CLYBL: variants seen among roughly 807,000 people sequenced by gnomAD.
CLYBL encodes citramalyl-CoA lyase, mitochondrial.
Under a neutral mutation model 38.9 loss-of-function variants are expected in CLYBL, and 31 were observed. The observed-to-expected ratio is 0.80, with a 90% confidence interval of 0.60 to 1.08. CLYBL has a LOEUF of 1.08. Ranked by LOEUF, CLYBL falls within the 50% of genes least tolerant of loss-of-function variation. The pLI is 0.00. For synonymous variants in CLYBL, 171 were observed against 158.6 expected, an observed-to-expected ratio of 1.08 and a Z score of -0.59; for missense variants, 434 against 411.6, an observed-to-expected ratio of 1.05 and a Z score of -0.47.
At chr13:99,747,037 A>G (rs1011609535) in intron 1 of CLYBL, among the ~76,000 whole-genome samples, 3 of 152,134 alleles carry the variant, frequency 2.0e-5, no homozygotes, top group African/African-American at 7.2e-5. Context: ...GCAGGAAAAA[A>G]AATCCCTCCA....
intron 1 of CLYBL, among the ~76,000 whole-genome samples, chr13:99,663,295 T>G (rs140105220): frequency 1.3e-5 from 2 of 152,314 alleles, no homozygotes; most frequent in East Asian, 3.9e-4. Context: ...ATAAATAATG[T>G]TTTCCAGTTG....
intron 1 of CLYBL, among the ~76,000 whole-genome samples, chr13:99,731,697 G>A (rs756029048): frequency 1.3e-5 from 2 of 152,206 alleles, no homozygotes; most frequent in African/African-American, 2.4e-5. Flanking sequence ...TCTCACGGAC[G>A]TGCTGGGGCC....
intron 1 of CLYBL, among the ~76,000 whole-genome samples, chr13:99,636,171 A>T (rs538411457): frequency 4.2e-4 from 64 of 152,196 alleles, no homozygotes; most frequent in Non-Finnish European, 7.9e-4. Context: ...GAGACTCTTA[A>T]AATTATGTTT....
rs549449253 is a variant in CLYBL, at chr13:99,860,920, C to T, written c.438+1871C>T. Among the ~76,000 whole-genome samples the T allele has an allele frequency of 6.6e-5, 10 of 152,310 alleles. No homozygotes were observed. In the South Asian group the frequency reaches 1.2e-3, roughly 19 times the overall value. ...GCACGGCTTATTGGACTATAACAAG[C>T]GTAACCCTGCCTCCTTTGTCATGGG... is the stretch of plus-strand genomic sequence containing the variant. On this transcript the variant is annotated intron_variant, in intron 3 of 8. Transcript: ENST00000339105.
At chr13:99,772,675 C>T (rs9517878) in intron 1 of CLYBL, 149 bp from the exon 2 acceptor site, 160,741 of 636,436 alleles carry the variant, frequency 0.25, 21,201 homozygotes, top group East Asian at 0.33. Context: ...TCAAACTGGG[C>T]GACAGAGCAA....
intron 1 of CLYBL, among the ~76,000 whole-genome samples, chr13:99,729,933 C>T (rs1026757453): frequency 4.6e-5 from 7 of 152,116 alleles, no homozygotes; most frequent in Admixed American, 2.0e-4. Flanking sequence ...TGCTGGTGCA[C>T]CTGCCACCGT....
At chr13:99,738,506 C>T (rs542856397) in intron 1 of CLYBL, among the ~76,000 whole-genome samples, 62 of 152,122 alleles carry the variant, frequency 4.1e-4, no homozygotes, top group African/African-American at 1.4e-3. Flanking sequence ...CTGCAATTAA[C>T]CAGGTAGGAG....
chr13:99,854,391 A>G (rs1032634804), intron 2 of CLYBL, among the ~76,000 whole-genome samples: 12 of 150,896 alleles, frequency 8.0e-5, no homozygotes, highest in Non-Finnish European at 1.6e-4. Flanking sequence ...GGTTGTCACA[A>G]TCCCCCTTGA....
At chr13:99,842,021 T>C (rs955768491) in intron 2 of CLYBL, among the ~76,000 whole-genome samples, 7 of 152,032 alleles carry the variant, frequency 4.6e-5, no homozygotes, top group African/African-American at 1.4e-4. Context: ...TTTCACCATG[T>C]TGACCAGGCT....
chr13:99,772,790 C>T (rs1175565224), intron 1 of CLYBL, 34 bp from the exon 2 acceptor site: 1 of 1,507,588 alleles, frequency 6.6e-7, no homozygotes, highest in Non-Finnish European at 8.9e-7. Flanking sequence ...ACAGAAATCT[C>T]ATTCTGGACT....
intron 1 of CLYBL, among the ~76,000 whole-genome samples, chr13:99,652,893 C>T (rs1447879325): frequency 6.6e-6 from 1 of 152,154 alleles, no homozygotes; most frequent in African/African-American, 2.4e-5. Flanking sequence ...GCTGTGCTGG[C>T]CACCTTGTAT....
chr13:99,715,337 C>T (rs1372290520), intron 1 of CLYBL, among the ~76,000 whole-genome samples: 1 of 152,142 alleles, frequency 6.6e-6, no homozygotes, highest in Admixed American at 6.5e-5. Flanking sequence ...CAGGGATTTA[C>T]TTCCTTTGCC....
intron 1 of CLYBL, among the ~76,000 whole-genome samples, chr13:99,711,348 A>C (rs987446855): frequency 6.6e-6 from 1 of 151,364 alleles, no homozygotes; most frequent in Non-Finnish European, 1.5e-5. Context: ...CCCGGTCCAC[A>C]GACGCACACC....
chr13:99,612,378 C>G (rs1409420871), intron 1 of CLYBL, among the ~76,000 whole-genome samples: 2 of 129,088 alleles, frequency 1.5e-5, no homozygotes, highest in Non-Finnish European at 3.2e-5. Context: ...TAATTTTAGA[C>G]CTTTCTACTT....
intron 1 of CLYBL, among the ~76,000 whole-genome samples, chr13:99,735,890 TA>T (rs925371566): frequency 1.2e-4 from 18 of 152,288 alleles, no homozygotes; most frequent in African/African-American, 4.3e-4. Context: ...TGTAGATACC[TA>T]AATCATGCTT....
intron 2 of CLYBL, chr13:99,783,790 G>C (rs942271376): frequency 6.7e-6 from 1 of 148,160 alleles, no homozygotes; most frequent in African/African-American, 2.5e-5. Flanking sequence ...ATTAAACTTT[G>C]GGACACTTAT....
intron 1 of CLYBL, among the ~76,000 whole-genome samples, chr13:99,753,787 C>G (rs2049000287): frequency 6.6e-6 from 1 of 152,072 alleles, no homozygotes; most frequent in South Asian, 2.1e-4. Context: ...ACTTATATGA[C>G]TCAAAAGTAT....
At chr13:99,616,364 G>A (rs2139188456) in intron 1 of CLYBL, among the ~76,000 whole-genome samples, 1 of 152,204 alleles carries the variant, frequency 6.6e-6, no homozygotes, top group Middle Eastern at 3.4e-3. Context: ...TAATCTAGGA[G>A]CAGTGATGAT....
intron 1 of CLYBL, among the ~76,000 whole-genome samples, chr13:99,733,072 G>A (rs771742277): frequency 2.0e-5 from 3 of 152,172 alleles, no homozygotes; most frequent in Non-Finnish European, 4.4e-5. Flanking sequence ...TCTGTTATGT[G>A]TCAAGTATAG....
Sources: allele counts gnomAD v4.1 joint callset (sites outside exome capture counted in the v4.1 genomes callset), GRCh38; gene constraint gnomAD v4.1.1; transcripts MANE v1.5; gene names NCBI Gene and HGNC (gene_info 2026-07-23, HGNC 2026-07-21).